Variants in ERICH1 observed in about 807,000 individuals in gnomAD.
The protein encoded by ERICH1 is glutamate-rich protein 1.
In ERICH1, 56 loss-of-function variants were observed where a neutral mutation model predicts 39.6. That is an observed-to-expected ratio of 1.41 (90% confidence interval 1.14 to 1.77). ERICH1 has a LOEUF of 1.77. ERICH1 is among the 40% of genes most tolerant of loss of function. ERICH1 has a pLI of 0.00. For missense variants in ERICH1, 826 were observed against 575.4 expected, an observed-to-expected ratio of 1.44 and a Z score of -4.45; for synonymous variants, 313 against 223.6, an observed-to-expected ratio of 1.40 and a Z score of -3.57.
chr8:682,114 A>T (rs1194803969), intron 3 of ERICH1, among the ~76,000 whole-genome samples: 2 of 151,884 alleles, frequency 1.3e-5, no homozygotes, highest in East Asian at 3.9e-4. Flanking sequence ...CCCCCGTGTA[A>T]AACCCCATTG....
chr8:716,218 C>T (rs1023332754), intron 1 of ERICH1, among the ~76,000 whole-genome samples: 1 of 152,254 alleles, frequency 6.6e-6, no homozygotes, highest in East Asian at 1.9e-4. Context: ...CCCGAGGACC[C>T]CCCACCATCC....
chr8:667,645 C>T (rs146043398), intron 5 of ERICH1: 1,867 of 153,370 alleles, frequency 0.012, 54 homozygotes, highest in African/African-American at 0.043. Flanking sequence ...GAAGGCAGCT[C>T]CTCCAGCACC....
At chr8:672,641 G>A (rs892015465) in intron 4 of ERICH1, among the ~76,000 whole-genome samples, 2 of 152,204 alleles carry the variant, frequency 1.3e-5, no homozygotes, top group African/African-American at 2.4e-5. Context: ...AGCGCACGGT[G>A]AGTATCTCTG....
chr8:659,880 T>C (rs12675823), downstream of ERICH1, among the ~76,000 whole-genome samples: 2,007 of 14,178 alleles, frequency 0.14, 578 homozygotes, highest in East Asian at 0.57. Context: ...GTGCACTGAA[T>C]ATCCTGGGGA....
chr8:619,810 T>C (rs367761024), intron 3 of ERICH1, among the ~76,000 whole-genome samples: 40 of 152,188 alleles, frequency 2.6e-4, no homozygotes, highest in African/African-American at 8.9e-4. Context: ...CACAGGAGTA[T>C]GTTTCTGTAT....
chr8:630,774 A>T (rs1797966124), intron 3 of ERICH1, among the ~76,000 whole-genome samples: 2 of 118,644 alleles, frequency 1.7e-5, no homozygotes, highest in Non-Finnish European at 3.5e-5. Flanking sequence ...GAGCACCCAC[A>T]CGGACAGAGC....
At position 668,764 on chromosome 8, in the gene ERICH1, G is replaced by A; in HGVS notation, c.1092C>T (p.Ala364=). 1 of 1,611,688 alleles carries A rather than the reference G, an allele frequency of 6.2e-7. No homozygotes were observed. The highest frequency in any genetic ancestry group is 8.5e-7 in the Non-Finnish European group (1 of 1,178,554). The part of the protein sequence containing the change: ...DGVSRDAASA[A]LADAAEELLD... ...GCAGCTCCTCAGCGGCATCTGCGAG[G>A]GCAGCTGAAGCTGCATCTCTGGAGA... The change falls in exon 5 of 6, where the codon GCC becomes GCT. Residue 364 remains alanine (A), a synonymous_variant. Coordinates refer to ENST00000262109, the MANE Select transcript of ERICH1 (RefSeq NM_207332.3).
At chr8:621,008 A>G (rs1331094266) in intron 3 of ERICH1, among the ~76,000 whole-genome samples, 1 of 152,252 alleles carries the variant, frequency 6.6e-6, no homozygotes, top group Non-Finnish European at 1.5e-5. Flanking sequence ...GACTGACAAT[A>G]TGGTGCATAC....
intron 2 of ERICH1, among the ~76,000 whole-genome samples, chr8:696,169 A>T (rs111161368): frequency 4.6e-4 from 1 of 2,166 alleles, no homozygotes. Context: ...ATCAGCCTGC[A>T]CTCGCTCCTC....
intron 3 of ERICH1, chr8:656,678 G>T: frequency 1.1e-6 from 1 of 920,420 alleles, no homozygotes; most frequent in Non-Finnish European, 1.3e-6. Context: ...TTGCCTCTGG[G>T]AATAAAGGAC....
chr8:695,773 C>G (rs1188492449), intron 2 of ERICH1, among the ~76,000 whole-genome samples: 1 of 144,860 alleles, frequency 6.9e-6, no homozygotes, highest in African/African-American at 2.7e-5. Context: ...CTCCACTCCT[C>G]TCCTTCCTCC....
At chr8:679,460 A>ACCCACCCCTCACAGTT (rs11272150) in intron 3 of ERICH1, among the ~76,000 whole-genome samples, 1,703 of 130,894 alleles carry the variant, frequency 0.013, 37 homozygotes, top group African/African-American at 0.045. Flanking sequence ...CCCTCACAGC[A>ACCCACCCCTCACAGTT]CCCACCCCTC....
chr8:722,683 G>A (rs1047695359), intron 1 of ERICH1, among the ~76,000 whole-genome samples: 20 of 152,196 alleles, frequency 1.3e-4, no homozygotes, highest in African/African-American at 4.3e-4. Flanking sequence ...GATCATTCGT[G>A]ATTCTCTAAA....
At chr8:706,837 A>C (rs1356782080) in intron 2 of ERICH1, among the ~76,000 whole-genome samples, 2 of 152,242 alleles carry the variant, frequency 1.3e-5, no homozygotes, top group Non-Finnish European at 2.9e-5. Context: ...GTTGAAAGAA[A>C]TTAAAAAGAA....
chr8:623,308 C>T (rs977122502), intron 3 of ERICH1, among the ~76,000 whole-genome samples: 2 of 152,056 alleles, frequency 1.3e-5, no homozygotes, highest in Non-Finnish European at 2.9e-5. Context: ...TCCCAATAGA[C>T]GCAGGAAAGA....
chr8:686,015 C>T (rs1462578371), intron 3 of ERICH1, among the ~76,000 whole-genome samples: 2 of 144,756 alleles, frequency 1.4e-5, no homozygotes, highest in Non-Finnish European at 3.0e-5. Flanking sequence ...AAAAAAATAG[C>T]TTGGTGTAGT....
At chr8:707,485 G>A (rs1400537218) in intron 2 of ERICH1, among the ~76,000 whole-genome samples, 1 of 152,132 alleles carries the variant, frequency 6.6e-6, no homozygotes, top group Non-Finnish European at 1.5e-5. Context: ...GGGACTACAG[G>A]TGTGAGCCAC....
chr8:670,177 A>G (rs573609289), intron 4 of ERICH1, among the ~76,000 whole-genome samples: 52 of 152,214 alleles, frequency 3.4e-4, no homozygotes, highest in South Asian at 1.5e-3. Context: ...TTGAGGCCTG[A>G]ATTTTAGTTA....
At chr8:708,704 T>TGTTTTTTTTTAAGACAGGG (rs55977227) in intron 2 of ERICH1, among the ~76,000 whole-genome samples, 2 of 111,298 alleles carry the variant, frequency 1.8e-5, no homozygotes, top group Non-Finnish European at 3.7e-5. Context: ...TTTTTTTTTT[T>TGTTTTTTTTTAAGACAGGG]TTTTTTTGAG....
Sources: gnomAD v4.1 joint callset for allele counts (sites outside exome capture counted in the v4.1 genomes callset) on GRCh38, gnomAD v4.1.1 for gene constraint, MANE v1.5 for transcripts, NCBI Gene and HGNC (gene_info 2026-07-23, HGNC 2026-07-21) for gene names.